The following FMN2 variants were observed in gnomAD, a reference collection of about 807,000 sequenced individuals.
FMN2 encodes formin 2.
Under a neutral mutation model 142.3 loss-of-function variants are expected in FMN2, and 51 were observed. The ratio of observed to expected loss-of-function variants is 0.36; its 90% CI spans 0.29 to 0.45. The LOEUF (loss-of-function observed/expected upper bound fraction) is 0.45. Among genes scored for constraint, FMN2 ranks in the 20% least tolerant of loss-of-function variants. The pLI, the probability that FMN2 is intolerant of heterozygous loss-of-function variation, is 1.00. For synonymous variants in FMN2, 882 were observed against 869.8 expected (o/e 1.01, Z -0.25); for missense variants, 1,936 against 2,122.8 (o/e 0.91, Z 1.73).
intron 2 of FMN2, among the ~76,000 whole-genome samples, chr1:240,130,862 C>T (rs1157703857): frequency 2.6e-5 from 4 of 151,988 alleles, no homozygotes; most frequent in Non-Finnish European, 4.4e-5. Context: ...TCAGGTTCTT[C>T]GTATTTAATT....
intron 1 of FMN2, among the ~76,000 whole-genome samples, chr1:240,097,360 T>A (rs1661237024): frequency 6.7e-6 from 1 of 149,974 alleles, no homozygotes; most frequent in East Asian, 1.9e-4. Context: ...TAGCTGCCTT[T>A]TTTTTTTTTT....
At chr1:240,363,524 G>T (rs1332294826) in intron 14 of FMN2, among the ~76,000 whole-genome samples, 1 of 152,182 alleles carries the variant, frequency 6.6e-6, no homozygotes, top group Non-Finnish European at 1.5e-5. Context: ...CTTGAATGAG[G>T]GCAGGTCTCT....
At chr1:240,151,279 C>A (rs1257680761) in intron 2 of FMN2, among the ~76,000 whole-genome samples, 1 of 152,194 alleles carries the variant, frequency 6.6e-6, no homozygotes, top group Non-Finnish European at 1.5e-5. Context: ...CCATTCTAAG[C>A]ACCAACAAGT....
chr1:240,210,455 AT>A (rs1475608108), intron 5 of FMN2, among the ~76,000 whole-genome samples: 12 of 151,986 alleles, frequency 7.9e-5, no homozygotes, highest in Admixed American at 2.6e-4. Flanking sequence ...ATGACTTTTA[AT>A]TTTTCAGTTC....
At chr1:240,131,856 G>C (rs1662752857) in intron 2 of FMN2, among the ~76,000 whole-genome samples, 2 of 152,192 alleles carry the variant, frequency 1.3e-5, no homozygotes, top group Admixed American at 6.5e-5. Flanking sequence ...AGACAACCTG[G>C]GGGTGCTTTT....
intron 14 of FMN2, among the ~76,000 whole-genome samples, chr1:240,391,688 G>A (rs2184711): frequency 0.54 from 82,360 of 151,910 alleles, 23,752 homozygotes; most frequent in African/African-American, 0.75. Context: ...TGATAGATAG[G>A]CTAAAAATAT....
intron 8 of FMN2, among the ~76,000 whole-genome samples, chr1:240,304,537 C>T (rs1442628187): frequency 6.6e-6 from 1 of 152,060 alleles, no homozygotes; most frequent in Non-Finnish European, 1.5e-5. Context: ...GTCTGGCTCC[C>T]AAAAGGTGGG....
intron 4 of FMN2, among the ~76,000 whole-genome samples, chr1:240,204,618 G>A (rs1236145906): frequency 6.6e-6 from 1 of 152,204 alleles, no homozygotes; most frequent in Non-Finnish European, 1.5e-5. Flanking sequence ...GGGCGTGGTG[G>A]CACATGCCTG....
At chr1:240,423,612 G>A (rs1249790776) in intron 15 of FMN2, among the ~76,000 whole-genome samples, 1 of 152,136 alleles carries the variant, frequency 6.6e-6, no homozygotes, top group African/African-American at 2.4e-5. Context: ...TACTCCCAAA[G>A]GACAATGATA....
intron 8 of FMN2, among the ~76,000 whole-genome samples, chr1:240,310,309 AG>A (rs1197840374): frequency 6.6e-6 from 1 of 152,190 alleles, no homozygotes; most frequent in Non-Finnish European, 1.5e-5. Context: ...TCTGTTTTAA[AG>A]TAATTCTATT....
intron 2 of FMN2, among the ~76,000 whole-genome samples, chr1:240,162,516 A>G (rs1664320714): frequency 6.6e-6 from 1 of 152,144 alleles, no homozygotes; most frequent in African/African-American, 2.4e-5. Flanking sequence ...TCTTTTTTGT[A>G]TGTTGATTTT....
intron 1 of FMN2, among the ~76,000 whole-genome samples, chr1:240,108,747 C>A (rs1661701204): frequency 6.6e-6 from 1 of 152,080 alleles, no homozygotes; most frequent in South Asian, 2.1e-4. Context: ...AAAAAATGCA[C>A]AGAAGGGGCC....
intron 7 of FMN2, among the ~76,000 whole-genome samples, chr1:240,274,007 A>G (rs1669107411): frequency 6.6e-6 from 1 of 152,106 alleles, no homozygotes; most frequent in South Asian, 2.1e-4. Flanking sequence ...TGACATTAAC[A>G]TCAGGGAGGC....
chr1:240,421,134 C>G (rs1297800934), intron 15 of FMN2, among the ~76,000 whole-genome samples: 1 of 152,142 alleles, frequency 6.6e-6, no homozygotes, highest in South Asian at 2.1e-4. Flanking sequence ...GCAGCTCACT[C>G]ACTACCCTGA....
intron 4 of FMN2, among the ~76,000 whole-genome samples, chr1:240,201,669 TA>T (rs938464709): frequency 1.3e-5 from 2 of 152,214 alleles, no homozygotes; most frequent in South Asian, 2.1e-4. Context: ...TCCATTATGA[TA>T]AAAATTGTTT....
At chr1:240,413,075 A>G (rs1265909126) in intron 15 of FMN2, among the ~76,000 whole-genome samples, 1 of 124,202 alleles carries the variant, frequency 8.1e-6, no homozygotes, top group Non-Finnish European at 1.6e-5. Context: ...GTGAGCCGAG[A>G]TGGTGCCACT....
chr1:240,284,340 T>G (rs1669511727), intron 7 of FMN2, among the ~76,000 whole-genome samples: 1 of 152,058 alleles, frequency 6.6e-6, no homozygotes, highest in Non-Finnish European at 1.5e-5. Context: ...TCTTTTAAGC[T>G]GGGGGGGAGG....
intron 14 of FMN2, among the ~76,000 whole-genome samples, chr1:240,362,062 G>T (rs990361831): frequency 4.6e-5 from 7 of 152,298 alleles, no homozygotes; most frequent in Admixed American, 6.5e-5. Flanking sequence ...TGAAGGTGGG[G>T]GTCAGTGGAC....
chr1:240,168,586 C>T lies in FMN2; in HGVS notation c.1783-9335C>T, dbSNP rs561444712. Among the ~76,000 whole-genome samples the T allele has an allele frequency of 7.4e-4, 112 of 152,284 alleles. 1 individual carries two copies. Among genetic ancestry groups the T allele is most frequent in the Non-Finnish European group, 1.3e-3 (86 of 68,030 alleles). On this transcript the variant is annotated intron_variant, in intron 2 of 17. Transcript: ENST00000319653. ...CCTGGGCCACAGAATGAGACCCCAT[C>T]TCTTTAGGTAATTAAATAAATACGG...
Sources: allele counts gnomAD v4.1 joint callset (sites outside exome capture counted in the v4.1 genomes callset), GRCh38; gene constraint gnomAD v4.1.1; transcripts MANE v1.5; gene names NCBI Gene and HGNC (gene_info 2026-07-23, HGNC 2026-07-21).